The following CHL1 variants were observed in gnomAD, a reference collection of about 807,000 sequenced individuals.
CHL1 encodes cell adhesion molecule L1 like, also known as neural cell adhesion molecule L1-like protein.
In CHL1, 96 loss-of-function variants were observed where a neutral mutation model predicts 141.9. The ratio of observed to expected loss-of-function variants is 0.68; its 90% CI spans 0.57 to 0.80. The LOEUF is 0.80. CHL1 is among the 30% of genes least tolerant of loss of function. CHL1 has a pLI of 0.00. For missense variants in CHL1, 1,820 were observed against 1,457.2 expected, an observed-to-expected ratio of 1.25 and a Z score of -4.05; for synonymous variants, 613 against 502.2, an observed-to-expected ratio of 1.22 and a Z score of -2.95.
chr3:337,645 C>T (rs1702009383), intron 5 of CHL1, among the ~76,000 whole-genome samples: 1 of 151,678 alleles, frequency 6.6e-6, no homozygotes, highest in Non-Finnish European at 1.5e-5. Context: ...CGATAATTTG[C>T]TGATAATGAT....
chr3:307,892 A>G (rs1283548655), intron 2 of CHL1, among the ~76,000 whole-genome samples: 1 of 152,254 alleles, frequency 6.6e-6, no homozygotes, highest in Non-Finnish European at 1.5e-5. Flanking sequence ...CACACAGCCT[A>G]TGCTAAAGTA....
At chr3:234,770 C>T (rs1294134109) in intron 1 of CHL1, among the ~76,000 whole-genome samples, 1 of 152,010 alleles carries the variant, frequency 6.6e-6, no homozygotes, top group South Asian at 2.1e-4. Flanking sequence ...CACAGGGCTC[C>T]CCATTCATGG....
rs116476177 is a variant in CHL1, at chr3:335,589, G to C, written c.386-5205G>C. 8.5e-3 allele frequency among the ~76,000 whole-genome samples: 1,300 copies of C among 152,310 alleles called. 21 individuals carry two copies. The highest frequency in any genetic ancestry group is 0.03 in the African/African-American group (1,243 of 41,574). ...TAAGTGAAATGTACGGCCCTGGAAA[G>C]CTCACCAGGCCAGTCCTGTAAACGG... On this transcript the variant is annotated intron_variant, in intron 5 of 27. Coordinates refer to ENST00000256509, the MANE Select transcript of CHL1 (RefSeq NM_006614.4).
intron 2 of CHL1, among the ~76,000 whole-genome samples, chr3:249,603 C>T (rs996155363): frequency 1.4e-4 from 21 of 152,142 alleles, no homozygotes; most frequent in Non-Finnish European, 2.1e-4. Context: ...CATTATTAGG[C>T]AGTGCCTTTT....
At chr3:214,575 T>G (rs2133402) in intron 1 of CHL1, among the ~76,000 whole-genome samples, 15,271 of 152,222 alleles carry the variant, frequency 0.1, 868 homozygotes, top group African/African-American at 0.15. Context: ...TTTTATACAT[T>G]GCATTTTAAT....
chr3:325,276 T>C (rs1700916141), intron 3 of CHL1, among the ~76,000 whole-genome samples: 1 of 151,936 alleles, frequency 6.6e-6, no homozygotes, highest in Non-Finnish European at 1.5e-5. Context: ...GTGGCAAAAA[T>C]ATAGAGAACC....
chr3:340,122 C>T (rs528977957), intron 5 of CHL1, among the ~76,000 whole-genome samples: 1 of 152,234 alleles, frequency 6.6e-6, no homozygotes, highest in South Asian at 2.1e-4. Flanking sequence ...AACTGCATTG[C>T]TCTTTTAAGA....
chr3:257,413 G>A (rs1430643118), intron 2 of CHL1, among the ~76,000 whole-genome samples: 1 of 150,508 alleles, frequency 6.6e-6, no homozygotes, highest in African/African-American at 2.5e-5. Flanking sequence ...GAGTGCAGTG[G>A]CACCACCTCG....
chr3:212,272 T>C (rs1386296502), intron 1 of CHL1, among the ~76,000 whole-genome samples: 4 of 152,134 alleles, frequency 2.6e-5, no homozygotes, highest in African/African-American at 9.7e-5. Flanking sequence ...TATTTTTATA[T>C]AGCATAATAC....
At chr3:231,969 A>G (rs1399628972) in intron 1 of CHL1, among the ~76,000 whole-genome samples, 1 of 152,112 alleles carries the variant, frequency 6.6e-6, no homozygotes, top group East Asian at 1.9e-4. Context: ...ATTTTAATGA[A>G]TGGTTTCCAA....
chr3:289,632 C>G lies in CHL1; in HGVS notation c.-94-30051C>G, dbSNP rs141728084. On this transcript the variant is annotated intron_variant, in intron 2 of 27. Transcript: ENST00000256509. ...TTTTGTCAATCTATCAATACATAAT[C>G]TTATTTTATATGTATTTCTGTTTAA... Among the ~76,000 whole-genome samples, 5 of 152,122 alleles carry G rather than the reference C, an allele frequency of 3.3e-5. No homozygotes were observed. The East Asian group carries it at 7.7e-4, about 23-fold the overall frequency.
At chr3:281,246 T>G (rs13075231) in intron 2 of CHL1, among the ~76,000 whole-genome samples, 2 of 152,202 alleles carry the variant, frequency 1.3e-5, no homozygotes, top group Admixed American at 1.3e-4. Flanking sequence ...AATTGTGCAG[T>G]ATCTCATAGT....
At chr3:266,411 C>T (rs73092580) in intron 2 of CHL1, among the ~76,000 whole-genome samples, 82 of 152,210 alleles carry the variant, frequency 5.4e-4, no homozygotes, top group African/African-American at 1.8e-3. Context: ...GCTGGGGACT[C>T]ATTTTGAAGG....
At chr3:312,912 A>C (rs1669168402) in intron 2 of CHL1, among the ~76,000 whole-genome samples, 1 of 152,220 alleles carries the variant, frequency 6.6e-6, no homozygotes, top group African/African-American at 2.4e-5. Flanking sequence ...CCTGCTGGCT[A>C]TAATAAAAGT....
chr3:376,513 C>A, intron 15 of CHL1: 1 of 456,730 alleles, frequency 2.2e-6, no homozygotes, highest in Non-Finnish European at 4.3e-6. Flanking sequence ...ATTTGTGAGA[C>A]TGGAAACAAG....
At chr3:384,439 G>A (rs543368135) in intron 19 of CHL1, 1 of 152,226 alleles carries the variant, frequency 6.6e-6, no homozygotes, top group East Asian at 1.9e-4. Flanking sequence ...AATCCGCAAA[G>A]CTAGGATTTA....
chr3:366,944 T>C (rs1339771860), intron 15 of CHL1, among the ~76,000 whole-genome samples: 2 of 152,320 alleles, frequency 1.3e-5, no homozygotes, highest in Non-Finnish European at 2.9e-5. Flanking sequence ...CTCACATGAG[T>C]TTATTTAACT....
At chr3:299,644 C>T (rs1045537621) in intron 2 of CHL1, among the ~76,000 whole-genome samples, 3 of 152,132 alleles carry the variant, frequency 2.0e-5, no homozygotes, top group Non-Finnish European at 2.9e-5. Context: ...TAGTTAGATA[C>T]TATGTTGGGA....
chr3:318,699 T>C (rs1223458457), intron 2 of CHL1, among the ~76,000 whole-genome samples: 1 of 151,386 alleles, frequency 6.6e-6, no homozygotes, highest in Non-Finnish European at 1.5e-5. Context: ...TCAGTTAAAA[T>C]GGTGGCCTTT....
Sources: allele counts gnomAD v4.1 joint callset (sites outside exome capture counted in the v4.1 genomes callset), GRCh38; gene constraint gnomAD v4.1.1; transcripts MANE v1.5; gene names NCBI Gene and HGNC (gene_info 2026-07-23, HGNC 2026-07-21).